SCN3A: variants seen among roughly 807,000 people sequenced by gnomAD.
SCN3A encodes sodium channel protein type 3 subunit alpha.
A neutral mutation model predicts 187.6 loss-of-function variants in SCN3A; 60 were observed. The ratio of observed to expected loss-of-function variants is 0.32; its 90% CI spans 0.26 to 0.40. The LOEUF (loss-of-function observed/expected upper bound fraction) is 0.40, where lower values mean the gene tolerates loss of function less well. Among genes scored for constraint, SCN3A ranks in the 10% least tolerant of loss-of-function variants. The pLI, the probability that SCN3A is intolerant of heterozygous loss-of-function variation, is 1.00. For synonymous variants in SCN3A, 788 were observed against 829.2 expected (o/e 0.95, Z 0.85); for missense variants, 1,601 against 2,428.2 (o/e 0.66, Z 7.16).
At chr2:165,120,853 C>T (rs1686637344) in intron 18 of SCN3A, among the ~76,000 whole-genome samples, 1 of 151,440 alleles carries the variant, frequency 6.6e-6, no homozygotes, top group African/African-American at 2.4e-5. Flanking sequence ...TATGAACCAC[C>T]ACCATCTGGT....
chr2:165,093,751 A>G (rs1685224418), intron 26 of SCN3A: 1 of 152,382 alleles, frequency 6.6e-6, no homozygotes, highest in Non-Finnish European at 1.5e-5. Flanking sequence ...TCTGGCAATT[A>G]CAAGATTTGT....
chr2:165,113,692 A>G (rs1686223822), intron 20 of SCN3A, 124 bp downstream of exon 20: 1 of 1,055,416 alleles, frequency 9.5e-7, no homozygotes, highest in Non-Finnish European at 1.4e-6. Flanking sequence ...CTTGGGTGCC[A>G]AGCTCTGCAA....
rs910587063 is a variant in SCN3A at position 165,147,287 on chromosome 2, G to A, written c.1381-258C>T. On this transcript the variant is annotated intron_variant, in intron 11 of 27. Transcript: ENST00000283254. The stretch of plus-strand genomic sequence containing the variant: ...TCTTCTGGATTGTCTTTTTTTTGGG[G>A]GGGGGGGGTTGGTGACAACTGTTCT... 2.9e-5 allele frequency among the ~76,000 whole-genome samples: 4 copies of A among 138,132 alleles called. No individual in the cohort carries two copies. The South Asian group carries it at 1.0e-3, about 35-fold the overall frequency. The allele number at this position is 138,132 out of a possible 152,430, so 90.6% of individuals were successfully genotyped here. A position where few individuals can be genotyped will look rare whatever the true frequency, so the allele number is the denominator to read the frequency against.
intron 4 of SCN3A, among the ~76,000 whole-genome samples, chr2:165,169,404 A>T (rs1689976067): frequency 6.6e-6 from 1 of 151,858 alleles, no homozygotes; most frequent in Admixed American, 6.6e-5. Context: ...TTTACACTTT[A>T]GATTGTGGCG....
intron 21 of SCN3A, among the ~76,000 whole-genome samples, chr2:165,103,210 A>G (rs989031472): frequency 2.0e-5 from 3 of 152,306 alleles, no homozygotes; most frequent in African/African-American, 4.8e-5. Context: ...TGCAACATAC[A>G]TAAAGTTTGA....
intron 18 of SCN3A, among the ~76,000 whole-genome samples, chr2:165,126,415 CTTCT>C (rs895720232): frequency 6.0e-5 from 9 of 150,708 alleles, no homozygotes; most frequent in South Asian, 2.1e-4. Flanking sequence ...CCTTCCCTTT[CTTCT>C]TTCTTTCTTC....
At position 165,180,968 on chromosome 2, in the gene SCN3A, G is replaced by GA. The variant is rs965057994; in HGVS notation, c.-50-4525dup. On this transcript the variant is annotated intron_variant, in intron 2 of 27. Coordinates refer to ENST00000283254, the MANE Select transcript of SCN3A (RefSeq NM_006922.4). The stretch of plus-strand genomic sequence containing the variant: ...TACTTACCATATTAAAAATTAAAAT[G>GA]AAAAAATGTAAAAATTCTTATTAAC... Among the ~76,000 whole-genome samples the GA allele has an allele frequency of 9.2e-5, 14 of 152,002 alleles. No homozygotes were observed. The South Asian group carries it at 2.9e-3, about 32-fold the overall frequency.
At chr2:165,114,020 G>GA (rs1261497902) in intron 19 of SCN3A, 50 bp from the exon 20 acceptor site, 1 of 1,269,746 alleles carries the variant, frequency 7.9e-7, no homozygotes, top group South Asian at 1.5e-5. Flanking sequence ...TCTTAAATAG[G>GA]AAAAAATAAA....
chr2:165,176,508 C>A, intron 2 of SCN3A, 64 bp from the exon 3 acceptor site: 1 of 1,275,028 alleles, frequency 7.8e-7, no homozygotes. Context: ...AGAACATCAA[C>A]CAAAATGTCA....
chr2:165,128,069 A>G lies in SCN3A; in HGVS notation c.2955T>C (p.Ser985=), dbSNP rs774970794. The change falls in exon 18 of 28, where the codon AGT becomes AGC. Residue 985 remains serine (S), a synonymous_variant. Transcript: ENST00000283254. Reference sequence around the variant, plus strand: ...CAGCAAGGTTGTCTGAGCTAAATGAACTCAACAATAAGGCCAGAAAGAGGT... The same window carrying G: ...CAGCAAGGTTGTCTGAGCTAAATGAGCTCAACAATAAGGCCAGAAAGAGGT... ...VLNLFLALLL[S]SFSSDNLAAT... The G allele has an allele frequency of 1.9e-6, 3 of 1,612,760 alleles. No individual in the cohort carries two copies. The highest frequency in any genetic ancestry group is 2.2e-5 in the South Asian group (2 of 90,820).
At chr2:165,159,505 C>T (rs1227802287) in intron 9 of SCN3A, among the ~76,000 whole-genome samples, 1 of 135,944 alleles carries the variant, frequency 7.4e-6, no homozygotes, top group Non-Finnish European at 1.5e-5. Flanking sequence ...CACAGATACA[C>T]TACACCATGC....
Position 165,089,078 on chromosome 2 carries a change from C to G in SCN3A, c.*1072G>C, listed in dbSNP as rs953690087. The G allele has an allele frequency of 1.3e-5, 2 of 152,534 alleles. No homozygotes were observed. Among genetic ancestry groups the G allele is most frequent in the Admixed American group, 6.6e-5 (1 of 15,254 alleles). The allele number at this position is 152,534 out of a possible 1,614,324, so 9.4% of individuals were successfully genotyped here. On this transcript the variant is annotated 3_prime_UTR_variant, in exon 28 of 28. Coordinates refer to ENST00000283254, the MANE Select transcript of SCN3A (RefSeq NM_006922.4). ...CAATATTAACATGCATTAGTGATAG[C>G]CTTTAAACTATGTTTAATGAATGAT...
chr2:165,114,089 C>T, intron 19 of SCN3A, 119 bp from the exon 20 acceptor site: 1 of 611,988 alleles, frequency 1.6e-6, no homozygotes, highest in South Asian at 2.5e-5. Flanking sequence ...TAACCATCTC[C>T]TTCATTTCCT....
intron 21 of SCN3A, among the ~76,000 whole-genome samples, chr2:165,105,845 CAG>C (rs1685827360): frequency 6.6e-6 from 1 of 151,780 alleles, no homozygotes; most frequent in Non-Finnish European, 1.5e-5. Context: ...TCCTGGGTGA[CAG>C]AGAGAGACTT....
chr2:165,168,696 G>A, intron 5 of SCN3A, 40 bp downstream of exon 5: 1 of 1,311,556 alleles, frequency 7.6e-7, no homozygotes, highest in Non-Finnish European at 1.1e-6. Flanking sequence ...TAGAGAATTT[G>A]AGTGTGCATT....
intron 2 of SCN3A, among the ~76,000 whole-genome samples, chr2:165,178,139 G>A (rs1690586925): frequency 6.6e-6 from 1 of 152,014 alleles, no homozygotes; most frequent in Non-Finnish European, 1.5e-5. Context: ...TATGTGTGTG[G>A]GGGTTTTTTT....
At position 165,090,246 on chromosome 2, in the gene SCN3A, G is replaced by C; in HGVS notation, c.5907C>G (p.Ser1969=). The part of the protein sequence containing the change: ...DGSSSTTSPP[S]YDSVTKPDKE... ...TGTCTGGTTTTGTTACACTATCATA[G>C]GAAGGAGGAGAGGTGGTAGAGGAAC... Residue 1969 remains serine, a synonymous_variant, in exon 28 of 28, where the codon TCC becomes TCG. Coordinates refer to ENST00000283254, the MANE Select transcript of SCN3A (RefSeq NM_006922.4). This position sits in a 1 kb window ranked among gnomAD's most constrained non-coding sequence, Gnocchi z 4.0. 3 of 1,611,092 alleles carry C rather than the reference G, an allele frequency of 1.9e-6. No individual in the cohort carries two copies. Among genetic ancestry groups the C allele is most frequent in the Non-Finnish European group, 2.5e-6 (3 of 1,178,112 alleles).
In SCN3A at chr2:165,162,667, C is replaced by T; in HGVS notation, c.856G>A (p.Ala286Thr). The T allele has an allele frequency of 6.2e-7, 1 of 1,614,150 alleles. No homozygotes were observed. The highest frequency in any genetic ancestry group is 8.5e-7 in the Non-Finnish European group (1 of 1,180,012). The change falls in exon 8 of 28, where the codon GCT becomes ACT. Residue 286 changes from alanine (A) to threonine (T), a missense_variant. This residue lies in a region of SCN3A where 104 missense variants were observed against 102.7 expected (regional missense o/e 1.01). Coordinates refer to ENST00000283254, the MANE Select transcript of SCN3A (RefSeq NM_006922.4). ...TAGGAAGTGGTGTTGGTTTCAAAAG[C>T]AGAATCGCTTGGGGGCCACTGCAAA... ...KCLQWPPSDS[A>T]FETNTTSYFN...
At chr2:165,193,372 C>T (rs766291768) in intron 1 of SCN3A, among the ~76,000 whole-genome samples, 3 of 152,086 alleles carry the variant, frequency 2.0e-5, no homozygotes, top group African/African-American at 7.2e-5. Context: ...TCTCTGTGTG[C>T]GCAGTGGAGC....
Sources: gnomAD v4.1 joint callset for allele counts (sites outside exome capture counted in the v4.1 genomes callset) on GRCh38, gnomAD v4.1.1 for gene constraint, gnomAD v4.1.1 regional missense constraint, Gnocchi (gnomAD v3.1) non-coding constraint, MANE v1.5 for transcripts, NCBI Gene and HGNC (gene_info 2026-07-23, HGNC 2026-07-21) for gene names.